Variants in FARP1 observed in about 807,000 individuals in gnomAD.
The protein encoded by FARP1 is FERM, ARHGEF and pleckstrin domain-containing protein 1.
Under a neutral mutation model 128.8 loss-of-function variants are expected in FARP1, and 52 were observed. That is an observed-to-expected ratio of 0.40 (90% CI 0.32 to 0.51). FARP1 has a LOEUF of 0.51. Ranked by LOEUF, FARP1 falls within the 20% of genes least tolerant of loss-of-function variation. The probability of loss-of-function intolerance (pLI) is 0.45; values close to 1 mark genes in which losing one functional copy is unlikely to be tolerated. For synonymous variants in FARP1, 580 were observed against 551.8 expected (o/e 1.05, Z -0.72); for missense variants, 1,333 against 1,367.9 (o/e 0.97, Z 0.40).
chr13:98,252,177 T>C (rs547568806), intron 2 of FARP1, among the ~76,000 whole-genome samples: 7 of 152,210 alleles, frequency 4.6e-5, no homozygotes, highest in Admixed American at 1.3e-4. Flanking sequence ...ATGTTAATAA[T>C]ATGTATTATA....
intron 2 of FARP1, among the ~76,000 whole-genome samples, chr13:98,312,645 G>C (rs1886530346): frequency 6.6e-6 from 1 of 152,126 alleles, no homozygotes; most frequent in Non-Finnish European, 1.5e-5. Flanking sequence ...CACCCAGCTG[G>C]GGCAGAGCTG....
chr13:98,356,162 GAAAT>G (rs894023900), intron 3 of FARP1, among the ~76,000 whole-genome samples: 1 of 152,124 alleles, frequency 6.6e-6, no homozygotes, highest in Non-Finnish European at 1.5e-5. Context: ...CTAATATTGA[GAAAT>G]AAATATTAAA....
At chr13:98,259,035 C>A (rs1333528933) in intron 2 of FARP1, among the ~76,000 whole-genome samples, 1 of 151,834 alleles carries the variant, frequency 6.6e-6, no homozygotes, top group Admixed American at 6.6e-5. Flanking sequence ...TAGTGAGACC[C>A]TGTCTGTCTC....
chr13:98,365,245 G>C, intron 3 of FARP1, 150 bp from the exon 4 acceptor site: 1 of 584,516 alleles, frequency 1.7e-6, no homozygotes. Context: ...GGTAGACAAC[G>C]TAAGATACGG....
chr13:98,388,320 A>G, intron 8 of FARP1, 63 bp from the exon 9 acceptor site: 1 of 1,299,552 alleles, frequency 7.7e-7, no homozygotes, highest in Non-Finnish European at 1.1e-6. Context: ...TAAGCAAAAC[A>G]GACCAACTCC....
chr13:98,213,283 TGG>T lies in FARP1; in HGVS notation c.45_46del (p.Ala16ProfsTer33). On this transcript the variant is annotated frameshift_variant, in exon 2 of 27. Transcript: ENST00000319562. LOFTEE classifies it high-confidence loss of function. Reference sequence around the variant, plus strand: ...CAGAGGCCGACCCCAGGATCACGACTGGGGGCCCCGGAAAATTCGGGGATCAG... The same window carrying T: ...CAGAGGCCGACCCCAGGATCACGACTGGGCCCCGGAAAATTCGGGGATCAG... 1 of 1,614,060 alleles carries T rather than the reference TGG, an allele frequency of 6.2e-7. No homozygotes were observed. Among genetic ancestry groups the T allele is most frequent in the Non-Finnish European group, 8.5e-7 (1 of 1,179,990 alleles).
Position 98,315,383 on chromosome 13 carries a change from G to T in FARP1, c.172-28379G>T, listed in dbSNP as rs1473180789. On this transcript the variant is annotated intron_variant, in intron 2 of 26. Transcript: ENST00000319562. The stretch of plus-strand genomic sequence containing the variant: ...GCCTCCCAAAGTGCTGGGATTACAG[G>T]TATGAGCACCCCTCCCAGACAAGGA... 2.0e-5 allele frequency among the ~76,000 whole-genome samples: 3 copies of T among 152,162 alleles called. No homozygotes were observed. In the South Asian group the frequency reaches 6.2e-4, roughly 32 times the overall value.
At chr13:98,214,951 T>G (rs1217098351) in intron 2 of FARP1, among the ~76,000 whole-genome samples, 1 of 152,220 alleles carries the variant, frequency 6.6e-6, no homozygotes, top group African/African-American at 2.4e-5. Flanking sequence ...GTGTTTCCTG[T>G]TGAGCACTGT....
At chr13:98,302,731 G>A (rs141463369) in intron 2 of FARP1, among the ~76,000 whole-genome samples, 1 of 152,342 alleles carries the variant, frequency 6.6e-6, no homozygotes, top group Non-Finnish European at 1.5e-5. Context: ...CTTGCTGAGA[G>A]ATTGAGGTCG....
chr13:98,213,530 C>T, intron 2 of FARP1, 117 bp downstream of exon 2: 1 of 1,018,028 alleles, frequency 9.8e-7, no homozygotes, highest in Non-Finnish European at 1.4e-6. Context: ...CCTGCATGTT[C>T]AGCACCTCCC....
At chr13:98,297,393 A>C (rs1463155136) in intron 2 of FARP1, among the ~76,000 whole-genome samples, 1 of 152,220 alleles carries the variant, frequency 6.6e-6, no homozygotes, top group Non-Finnish European at 1.5e-5. Flanking sequence ...ATAGAAATGA[A>C]GTAGCCGCTT....
chr13:98,340,215 C>T (rs1435164323), intron 2 of FARP1, among the ~76,000 whole-genome samples: 3 of 151,992 alleles, frequency 2.0e-5, no homozygotes, highest in Non-Finnish European at 2.9e-5. Flanking sequence ...TGCTTGCCAG[C>T]TGGTCAGATA....
rs753962328 is a variant in FARP1, at chr13:98,448,296, CAAAG to C, written c.3119_3122del (p.Lys1040SerfsTer32). 2 of 1,613,692 alleles carry C rather than the reference CAAAG, an allele frequency of 1.2e-6. No individual in the cohort carries two copies. The highest frequency in any genetic ancestry group is 1.7e-5 in the Admixed American group (1 of 60,016). The stretch of plus-strand genomic sequence containing the variant: ...CCTCGCGACCCCACGTGTTGAGTCA[CAAAG>C]AGTCTCTTGTGTATTGATGGCCGGA... On this transcript the variant is annotated frameshift_variant, in exon 27 of 27. Coordinates refer to ENST00000319562, the MANE Select transcript of FARP1 (RefSeq NM_005766.4). LOFTEE classifies it high-confidence loss of function.
At chr13:98,276,696 C>T (rs1439028418) in intron 2 of FARP1, among the ~76,000 whole-genome samples, 2 of 152,076 alleles carry the variant, frequency 1.3e-5, no homozygotes, top group Non-Finnish European at 2.9e-5. Context: ...CATCAGAGTG[C>T]GATGGTTTAA....
At chr13:98,386,471 AGC>A (rs1365675325) in intron 8 of FARP1, among the ~76,000 whole-genome samples, 2 of 152,292 alleles carry the variant, frequency 1.3e-5, no homozygotes, top group South Asian at 2.1e-4. Flanking sequence ...CTCTCTTAGT[AGC>A]CTTATTGAAG....
intron 3 of FARP1, among the ~76,000 whole-genome samples, chr13:98,356,144 C>T (rs1888628159): frequency 6.6e-6 from 1 of 152,062 alleles, no homozygotes; most frequent in Admixed American, 6.6e-5. Flanking sequence ...TTATTTTCTG[C>T]CTACATACTA....
intron 2 of FARP1, among the ~76,000 whole-genome samples, chr13:98,313,088 C>G (rs1886548758): frequency 6.6e-6 from 1 of 150,840 alleles, no homozygotes; most frequent in Non-Finnish European, 1.5e-5. Flanking sequence ...TGAAGTCACT[C>G]TGGAATCGGG....
At chr13:98,428,354 G>A (rs1206001166) in intron 17 of FARP1, among the ~76,000 whole-genome samples, 4 of 151,868 alleles carry the variant, frequency 2.6e-5, no homozygotes, top group East Asian at 1.9e-4. Flanking sequence ...TTCCTGTATC[G>A]CCTGTCTCTC....
At chr13:98,290,134 A>G (rs1392880483) in intron 2 of FARP1, among the ~76,000 whole-genome samples, 1 of 149,828 alleles carries the variant, frequency 6.7e-6, no homozygotes, top group Non-Finnish European at 1.5e-5. Flanking sequence ...CCCAAGCCTT[A>G]CTTCTGGGGG....
Sources: allele counts gnomAD v4.1 joint callset (sites outside exome capture counted in the v4.1 genomes callset), GRCh38; gene constraint gnomAD v4.1.1; transcripts MANE v1.5; gene names NCBI Gene and HGNC (gene_info 2026-07-23, HGNC 2026-07-21).